Variants in CTCFL observed in about 807,000 individuals in gnomAD.
CTCFL encodes the protein transcriptional repressor CTCFL.
Under a neutral mutation model 67.4 loss-of-function variants are expected in CTCFL, and 36 were observed. That is an observed-to-expected ratio of 0.53 (90% confidence interval 0.41 to 0.71). The LOEUF is 0.71. Among genes scored for constraint, CTCFL ranks in the 30% least tolerant of loss-of-function variants. The probability of loss-of-function intolerance (pLI) is 0.00; values close to 1 mark genes in which losing one functional copy is unlikely to be tolerated. For synonymous variants in CTCFL, 324 were observed against 302.3 expected, an observed-to-expected ratio of 1.07 and a Z score of -0.75; for missense variants, 786 against 835.2, an observed-to-expected ratio of 0.94 and a Z score of 0.73.
chr20:57,522,409 T>C (rs2069447891), intron 3 of CTCFL, among the ~76,000 whole-genome samples: 1 of 152,346 alleles, frequency 6.6e-6, no homozygotes. Flanking sequence ...ATTATTTTCA[T>C]AGGACAAATT....
rs976242018 is a variant in CTCFL at position 57,523,972 on chromosome 20, G to A, written c.234C>T (p.Tyr78=). 5.6e-6 allele frequency: 9 copies of A among 1,613,016 alleles called. No homozygotes were observed. Among genetic ancestry groups the A allele is most frequent in the Non-Finnish European group, 7.6e-6 (9 of 1,180,010 alleles). ...VLAPSEESEK[Y]ILTLQTVHFT... is the part of the protein sequence containing the mutation. ...AGTGCACCGTCTGCAGGGTCAGGATGTACTTCTCGCTCTCCTCCGAGGGGG... is the reference window on the plus strand; with the variant it reads ...AGTGCACCGTCTGCAGGGTCAGGATATACTTCTCGCTCTCCTCCGAGGGGG... The change falls in exon 2 of 11, where the codon TAC becomes TAT. Residue 78 remains tyrosine (Y), a synonymous_variant. Transcript: ENST00000243914.
Position 57,523,131 on chromosome 20 carries a change from G to A in CTCFL, c.691C>T (p.Pro231Ser), listed in dbSNP as rs768160869. 2.5e-6 allele frequency: 4 copies of A among 1,613,956 alleles called. No homozygotes were observed. Among genetic ancestry groups the A allele is most frequent in the Non-Finnish European group, 3.4e-6 (4 of 1,180,008 alleles). The change falls in exon 3 of 11, where the codon CCT becomes TCT. Residue 231 changes from proline (P) to serine (S), a missense_variant. Coordinates refer to ENST00000243914, the MANE Select transcript of CTCFL (RefSeq NM_001386993.1). ...TCAGCATCTGCTTGACCAGCTGTAG[G>A]TTGATCCTCTTGTTCTTCCACATTT... ...NSNVEEQEDQ[P>S]TAGQADAEKA...
At chr20:57,510,999 C>T (rs1327735010) in intron 8 of CTCFL, among the ~76,000 whole-genome samples, 1 of 152,192 alleles carries the variant, frequency 6.6e-6, no homozygotes, top group African/African-American at 2.4e-5. Flanking sequence ...CTAGCTCTTC[C>T]AAATAACTGT....
intron 9 of CTCFL, among the ~76,000 whole-genome samples, chr20:57,506,429 G>A (rs542328505): frequency 6.6e-6 from 1 of 152,206 alleles, no homozygotes; most frequent in East Asian, 1.9e-4. Context: ...TCAGCCTCCT[G>A]AGCAGCTAGG....
At chr20:57,516,805 A>G (rs532617923) in intron 5 of CTCFL, among the ~76,000 whole-genome samples, 2 of 152,360 alleles carry the variant, frequency 1.3e-5, no homozygotes, top group African/African-American at 2.4e-5. Context: ...AGCAAACAAC[A>G]TAATACCTCC....
intron 9 of CTCFL, chr20:57,507,924 C>A: frequency 3.0e-6 from 2 of 672,596 alleles, no homozygotes; most frequent in Non-Finnish European, 5.4e-6. Context: ...GTACCAACAG[C>A]ACTATTCTTT....
chr20:57,514,458 A>C (rs765762827), intron 7 of CTCFL, 134 bp downstream of exon 7: 23 of 1,031,100 alleles, frequency 2.2e-5, no homozygotes, highest in Non-Finnish European at 3.2e-5. Context: ...CTTCTGGAAG[A>C]AAATTCGTCC....
Position 57,508,754 on chromosome 20 carries a change from G to C in CTCFL, c.1526C>G (p.Thr509Ser), listed in dbSNP as rs552301120. The change falls in exon 9 of 11, where the codon ACT becomes AGT. Residue 509 changes from threonine to serine, a missense_variant. Transcript: ENST00000243914. Reference protein sequence around the residue: ...RHMTAHIRTHTGEKPFTCLSC... With the variant: ...RHMTAHIRTHSGEKPFTCLSC... ...AAGGCAGGTGAATGGTTTCTCTCCAGTGTGGGTACGAATGTGAGCGGTCAT... is the reference window on the plus strand; with the variant it reads ...AAGGCAGGTGAATGGTTTCTCTCCACTGTGGGTACGAATGTGAGCGGTCAT... The C allele has an allele frequency of 3.1e-6, 5 of 1,614,216 alleles. No homozygotes were observed. In the African/African-American group the frequency reaches 4.0e-5, roughly 13 times the overall value.
At chr20:57,501,281 C>T (rs554831848) in intron 10 of CTCFL, among the ~76,000 whole-genome samples, 9 of 152,208 alleles carry the variant, frequency 5.9e-5, no homozygotes, top group South Asian at 2.1e-4. Context: ...GGAGGGGCAG[C>T]GCAGGACCAG....
intron 7 of CTCFL, among the ~76,000 whole-genome samples, chr20:57,514,288 C>A (rs574177745): frequency 6.6e-6 from 1 of 152,148 alleles, no homozygotes; most frequent in Non-Finnish European, 1.5e-5. Flanking sequence ...GTCTCTGATC[C>A]CCAGTGTCCT....
intron 5 of CTCFL, 84 bp from the exon 6 acceptor site, chr20:57,515,918 T>G: frequency 7.0e-7 from 1 of 1,430,692 alleles, no homozygotes; most frequent in Middle Eastern, 2.0e-4. Context: ...TAAAAGAGAT[T>G]TAAATTAATC....
chr20:57,501,497 TA>T (rs918479507), intron 10 of CTCFL, among the ~76,000 whole-genome samples: 4 of 152,008 alleles, frequency 2.6e-5, no homozygotes, highest in Non-Finnish European at 5.9e-5. Context: ...CTTCCTCCAT[TA>T]AAAAATGTGA....
At chr20:57,516,036 G>C (rs1440091830) in intron 5 of CTCFL, among the ~76,000 whole-genome samples, 1 of 152,144 alleles carries the variant, frequency 6.6e-6, no homozygotes, top group Admixed American at 6.5e-5. Flanking sequence ...TTTGATGTGT[G>C]TGTGTATAAG....
intron 8 of CTCFL, among the ~76,000 whole-genome samples, chr20:57,511,265 C>A (rs2068533171): frequency 6.6e-6 from 1 of 152,080 alleles, no homozygotes; most frequent in Non-Finnish European, 1.5e-5. Context: ...GTCTTGAATT[C>A]CTGAGCTCAA....
chr20:57,511,199 C>G (rs1180361060), intron 8 of CTCFL, among the ~76,000 whole-genome samples: 1 of 152,008 alleles, frequency 6.6e-6, no homozygotes, highest in Non-Finnish European at 1.5e-5. Flanking sequence ...CCACCACCCA[C>G]AGCTAATTTT....
Position 57,503,498 on chromosome 20 carries a change from T to C in CTCFL, c.1778A>G (p.Lys593Arg). The C allele has an allele frequency of 6.2e-7, 1 of 1,614,260 alleles. No homozygotes were observed. The highest frequency in any genetic ancestry group is 1.3e-5 in the African/African-American group (1 of 75,068). The change falls in exon 10 of 11, where the codon AAG becomes AGG. Residue 593 changes from lysine to arginine, a missense_variant. Around this residue, in one of 3 missense-constraint regions of CTCFL, gnomAD observed 199 missense variants for 196.7 expected, o/e 1.01. Transcript: ENST00000243914. ...RTRKRKQTIL[K>R]EATKGQKEAA... ...TTCCTTCTGACCCTTTGTGGCTTCC[T>C]TCAGGATGGTCTGCTTCCTCTTTCT...
chr20:57,503,224 A>G (rs566160667), intron 10 of CTCFL, among the ~76,000 whole-genome samples: 1 of 152,376 alleles, frequency 6.6e-6, no homozygotes, highest in Admixed American at 6.5e-5. Context: ...GGTGGGGGCC[A>G]CACATGGACC....
chr20:57,518,573 A>G, intron 5 of CTCFL, 185 bp downstream of exon 5: 1 of 1,463,948 alleles, frequency 6.8e-7, no homozygotes, highest in South Asian at 1.3e-5. Context: ...AATCAAAGAA[A>G]CAAAGAAATC....
chr20:57,496,391 TTA>T, downstream of CTCFL: 1 of 567,930 alleles, frequency 1.8e-6, no homozygotes, highest in South Asian at 2.2e-5. Context: ...ACTCTTTTCT[TTA>T]TAAATTACCC....
Sources: gnomAD v4.1 joint callset for allele counts (sites outside exome capture counted in the v4.1 genomes callset) on GRCh38, gnomAD v4.1.1 for gene constraint, gnomAD v4.1.1 regional missense constraint, MANE v1.5 for transcripts, NCBI Gene and HGNC (gene_info 2026-07-23, HGNC 2026-07-21) for gene names.